FBXL7: variants seen among roughly 807,000 people sequenced by gnomAD.
The protein encoded by FBXL7 is F-box and leucine rich repeat protein 7, also known as F-box/LRR-repeat protein 7.
In FBXL7, 12 loss-of-function variants were observed where a neutral mutation model predicts 38.3. That is an observed-to-expected ratio of 0.31 (90% CI 0.20 to 0.51). FBXL7 has a LOEUF of 0.51. Ranked by LOEUF, FBXL7 falls within the 20% of genes least tolerant of loss-of-function variation. The pLI, the probability that FBXL7 is intolerant of heterozygous loss-of-function variation, is 0.98. For synonymous variants in FBXL7, 297 were observed against 300.9 expected, an observed-to-expected ratio of 0.99 and a Z score of 0.13; for missense variants, 567 against 676.4, an observed-to-expected ratio of 0.84 and a Z score of 1.79.
At chr5:15,795,566 G>A (rs1737393895) in intron 2 of FBXL7, among the ~76,000 whole-genome samples, 2 of 152,232 alleles carry the variant, frequency 1.3e-5, no homozygotes, top group South Asian at 2.1e-4. Flanking sequence ...ATGTCTTATA[G>A]CATGACTAAT....
At chr5:15,764,311 A>G (rs561377691) in intron 2 of FBXL7, among the ~76,000 whole-genome samples, 40 of 152,360 alleles carry the variant, frequency 2.6e-4, no homozygotes, top group African/African-American at 9.4e-4. Flanking sequence ...TACTATTACT[A>G]TTTGAATACA....
chr5:15,769,090 A>T (rs775461549), intron 2 of FBXL7, among the ~76,000 whole-genome samples: 9 of 152,220 alleles, frequency 5.9e-5, no homozygotes, highest in Non-Finnish European at 1.2e-4. Context: ...CGGAGGCTGC[A>T]TGGAGATCCC....
At chr5:15,882,762 A>C (rs1439562853) in intron 2 of FBXL7, among the ~76,000 whole-genome samples, 1 of 152,148 alleles carries the variant, frequency 6.6e-6, no homozygotes, top group African/African-American at 2.4e-5. Context: ...CTTGAACAGA[A>C]CCCTAAGATT....
intron 2 of FBXL7, among the ~76,000 whole-genome samples, chr5:15,813,014 C>T (rs918122416): frequency 6.6e-6 from 1 of 152,114 alleles, no homozygotes; most frequent in South Asian, 2.1e-4. Context: ...TGCTTATCAG[C>T]TTAAGGAGAT....
At chr5:15,599,723 T>C (rs1739737277) in intron 1 of FBXL7, among the ~76,000 whole-genome samples, 1 of 152,194 alleles carries the variant, frequency 6.6e-6, no homozygotes, top group Non-Finnish European at 1.5e-5. Flanking sequence ...CAGTGTGAAA[T>C]TGAGCTGTAG....
chr5:15,549,414 C>T (rs1414712130), intron 1 of FBXL7, among the ~76,000 whole-genome samples: 1 of 152,132 alleles, frequency 6.6e-6, no homozygotes, highest in Admixed American at 6.5e-5. Context: ...GTGACTGAAA[C>T]CACCTTGATT....
chr5:15,807,458 G>A (rs1161516711), intron 2 of FBXL7, among the ~76,000 whole-genome samples: 1 of 152,118 alleles, frequency 6.6e-6, no homozygotes, highest in African/African-American at 2.4e-5. Flanking sequence ...GAGAGCTTGT[G>A]GAGAAGCCAG....
chr5:15,543,121 G>A (rs902360100), intron 1 of FBXL7, among the ~76,000 whole-genome samples: 1 of 152,150 alleles, frequency 6.6e-6, no homozygotes, highest in Non-Finnish European at 1.5e-5. Context: ...CAGTGTATTA[G>A]TCTGTTCTCA....
At chr5:15,813,942 G>A (rs389114) in intron 2 of FBXL7, among the ~76,000 whole-genome samples, 81,447 of 151,912 alleles carry the variant, frequency 0.54, 23,004 homozygotes, top group Non-Finnish European at 0.64. Flanking sequence ...TACTGGAGAG[G>A]ATGTGGAGAA....
intron 2 of FBXL7, among the ~76,000 whole-genome samples, chr5:15,623,996 T>G (rs1740729740): frequency 6.6e-6 from 1 of 152,236 alleles, no homozygotes; most frequent in African/African-American, 2.4e-5. Context: ...TTTGTCATTG[T>G]CAGCGAAACT....
At chr5:15,749,556 G>A (rs534091061) in intron 2 of FBXL7, among the ~76,000 whole-genome samples, 1 of 152,178 alleles carries the variant, frequency 6.6e-6, no homozygotes, top group Admixed American at 6.5e-5. Context: ...GAACCCAGGA[G>A]GCGGAGCTTG....
intron 3 of FBXL7, among the ~76,000 whole-genome samples, chr5:15,933,322 A>G (rs183060567): frequency 3.9e-5 from 6 of 152,346 alleles, no homozygotes; most frequent in African/African-American, 1.4e-4. Flanking sequence ...ATTTTCCTGG[A>G]CCAAATATAT....
chr5:15,649,871 G>C (rs1741649133), intron 2 of FBXL7, among the ~76,000 whole-genome samples: 1 of 152,062 alleles, frequency 6.6e-6, no homozygotes, highest in Admixed American at 6.5e-5. Flanking sequence ...ACACCAAATG[G>C]CTGGGTAAAA....
chr5:15,545,566 C>T (rs1304139797), intron 1 of FBXL7, among the ~76,000 whole-genome samples: 3 of 152,156 alleles, frequency 2.0e-5, no homozygotes, highest in African/African-American at 7.2e-5. Flanking sequence ...CCCTCAATTT[C>T]CCCCTTTCCT....
At chr5:15,711,210 A>G (rs1212958258) in intron 2 of FBXL7, among the ~76,000 whole-genome samples, 1 of 152,208 alleles carries the variant, frequency 6.6e-6, no homozygotes, top group African/African-American at 2.4e-5. Context: ...GCAGCGTGAG[A>G]ATGGACTTAT....
intron 2 of FBXL7, among the ~76,000 whole-genome samples, chr5:15,856,164 G>C (rs2126800443): frequency 6.6e-6 from 1 of 152,232 alleles, no homozygotes; most frequent in Non-Finnish European, 1.5e-5. Flanking sequence ...GTGGTGGCAA[G>C]AGAAAATGAA....
intron 1 of FBXL7, among the ~76,000 whole-genome samples, chr5:15,608,751 C>T (rs1740120591): frequency 6.6e-6 from 1 of 152,286 alleles, no homozygotes; most frequent in Middle Eastern, 3.4e-3. Flanking sequence ...GCTAGTATAA[C>T]CCACAGATTC....
chr5:15,712,367 A>C (rs1249117380), intron 2 of FBXL7, among the ~76,000 whole-genome samples: 2 of 129,786 alleles, frequency 1.5e-5, no homozygotes, highest in African/African-American at 2.8e-5. Context: ...AAAAAAAAAA[A>C]CCTAAAACGA....
At chr5:15,518,466 G>A (rs982653908) in intron 1 of FBXL7, among the ~76,000 whole-genome samples, 1 of 152,200 alleles carries the variant, frequency 6.6e-6, no homozygotes, top group African/African-American at 2.4e-5. Flanking sequence ...GCAATGGGAG[G>A]TAGGAAAGGC....
Sources: allele counts gnomAD v4.1 joint callset (sites outside exome capture counted in the v4.1 genomes callset), GRCh38; gene constraint gnomAD v4.1.1; transcripts MANE v1.5; gene names NCBI Gene and HGNC (gene_info 2026-07-23, HGNC 2026-07-21).